The following DOCK9 variants were observed in gnomAD, a reference collection of about 807,000 sequenced individuals.
DOCK9 encodes dedicator of cytokinesis protein 9.
Under a neutral mutation model 263.3 loss-of-function variants are expected in DOCK9, and 89 were observed. The ratio of observed to expected loss-of-function variants is 0.34; its 90% CI spans 0.28 to 0.40. The LOEUF is 0.40. Ranked by LOEUF, DOCK9 falls within the 10% of genes least tolerant of loss-of-function variation. The pLI, the probability that DOCK9 is intolerant of heterozygous loss-of-function variation, is 1.00. For missense variants in DOCK9, 2,140 were observed against 2,603.4 expected (o/e 0.82, Z 3.87); for synonymous variants, 976 against 973.1 (o/e 1.00, Z -0.06).
Position 98,797,423 on chromosome 13 carries a change from C to T in DOCK9, c.5983G>A (p.Asp1995Asn). Residue 1995 changes from aspartate (D) to asparagine (N), a missense_variant, in exon 51 of 53, where the codon GAC becomes AAC. Asp to Asn is a conservative substitution (Grantham distance 23, BLOSUM62 1). Around this residue, in one of 2 missense-constraint regions of DOCK9, gnomAD observed 619 missense variants for 861.8 expected, o/e 0.72. Coordinates refer to ENST00000682017, the MANE Select transcript of DOCK9 (RefSeq NM_001366683.2). ...TCCTTAAGCAGCTTCACTTTATTGT[C>T]AGGATATCGCTTTGTGTTTGTATCA... The part of the protein sequence containing the change: ...LDDTNTKRYP[D>N]NKVKLLKEVF... 6.2e-7 allele frequency: 1 copy of T among 1,613,624 alleles called. No homozygotes were observed. The highest frequency in any genetic ancestry group is 8.5e-7 in the Non-Finnish European group (1 of 1,179,750).
intron 18 of DOCK9, 115 bp downstream of exon 18, chr13:98,888,043 A>C (rs2046059292): frequency 1.5e-6 from 1 of 677,036 alleles, no homozygotes; most frequent in African/African-American, 1.8e-5. Context: ...TATATTTTTG[A>C]TTTGTGTCAA....
At chr13:98,978,087 C>A, upstream of DOCK9, 1 of 1,420,516 alleles carries the variant, frequency 7.0e-7, no homozygotes, top group South Asian at 1.6e-5. Flanking sequence ...GGCATGACAG[C>A]AAAGGCCAGC....
intron 3 of DOCK9, among the ~76,000 whole-genome samples, chr13:98,929,780 AAATG>A (rs1255821851): frequency 6.1e-4 from 93 of 152,228 alleles, no homozygotes; most frequent in African/African-American, 2.2e-3. Flanking sequence ...TAAATGAAAT[AAATG>A]ATACATAAAT....
rs150481935 is a variant in DOCK9, at chr13:98,881,829, A to C, written c.2675+63T>G. ...GCACACAGTAGCATCCCAGCTATGC[A>C]TGACTATGCTCCAGATGTGGACAGA... On this transcript the variant is annotated intron_variant, in intron 24 of 52. Coordinates refer to ENST00000682017, the MANE Select transcript of DOCK9 (RefSeq NM_001366683.2). The C allele has an allele frequency of 1.5e-4, 212 of 1,409,458 alleles. 1 individual carries two copies. In the African/African-American group the frequency reaches 2.3e-3, roughly 16 times the overall value. The allele number at this position is 1,409,458 out of a possible 1,614,324, so 87.3% of individuals were successfully genotyped here.
intron 1 of DOCK9, among the ~76,000 whole-genome samples, chr13:99,013,194 C>T (rs1237518001): frequency 2.0e-5 from 3 of 152,138 alleles, no homozygotes; most frequent in Non-Finnish European, 4.4e-5. Flanking sequence ...AACTTGAACT[C>T]CTAGGCTCAA....
chr13:99,008,514 G>A (rs1410404238), intron 1 of DOCK9, among the ~76,000 whole-genome samples: 1 of 152,096 alleles, frequency 6.6e-6, no homozygotes. Flanking sequence ...GATTACAGGC[G>A]TGAGCCACCG....
At chr13:99,085,069 G>C (rs1479005219) in intron 1 of DOCK9, among the ~76,000 whole-genome samples, 1 of 152,222 alleles carries the variant, frequency 6.6e-6, no homozygotes, top group Non-Finnish European at 1.5e-5. Context: ...GAGCAAACTG[G>C]ATATAGAAAT....
chr13:99,056,393 T>A (rs2040925166), intron 1 of DOCK9, among the ~76,000 whole-genome samples: 2 of 152,156 alleles, frequency 1.3e-5, no homozygotes, highest in African/African-American at 2.4e-5. Context: ...CAAAGTAAGG[T>A]TACATACTAA....
intron 1 of DOCK9, among the ~76,000 whole-genome samples, chr13:99,064,522 C>T (rs1469438202): frequency 6.6e-6 from 1 of 152,244 alleles, no homozygotes; most frequent in Admixed American, 6.5e-5. Flanking sequence ...TAAAAATGAA[C>T]CGGGGCCCCC....
At position 98,944,437 on chromosome 13, in the gene DOCK9, A is replaced by T. The variant is rs547966754; in HGVS notation, c.243+10998T>A. ...TCAGCAGGCTGAGGAAAAAAAAAAT[A>T]AAGAAAATGATGAAATACTTTGTAA... On this transcript the variant is annotated intron_variant, in intron 2 of 52. Transcript: ENST00000682017. Among the ~76,000 whole-genome samples the T allele has an allele frequency of 5.3e-5, 8 of 151,838 alleles. No individual in the cohort carries two copies. The South Asian group carries it at 1.7e-3, about 32-fold the overall frequency.
rs930766676 is a variant in DOCK9, at chr13:98,835,708, G to A, written c.4314+1786C>T. The stretch of plus-strand genomic sequence containing the variant: ...CCAGATATTTAGAGATCCAGGAATA[G>A]TGACAAATACTCTTCTTTACAACTC... On this transcript the variant is annotated intron_variant, in intron 39 of 52. Transcript: ENST00000682017. Among the ~76,000 whole-genome samples the A allele has an allele frequency of 2.1e-5, 3 of 144,618 alleles. No individual in the cohort carries two copies. The South Asian group carries it at 6.8e-4, about 33-fold the overall frequency. 94.9% of individuals were successfully genotyped at this position (144,618 alleles called of 152,430 possible). A position where few individuals can be genotyped will look rare whatever the true frequency, so the allele number is the denominator to read the frequency against.
intron 3 of DOCK9, among the ~76,000 whole-genome samples, chr13:98,927,199 T>C (rs1195274450): frequency 2.0e-5 from 3 of 152,284 alleles, no homozygotes; most frequent in African/African-American, 4.8e-5. Flanking sequence ...TTTTACTCTG[T>C]AGTTAAGAAT....
chr13:98,822,920 T>A (rs1186698423), intron 45 of DOCK9, among the ~76,000 whole-genome samples: 1 of 152,126 alleles, frequency 6.6e-6, no homozygotes, highest in African/African-American at 2.4e-5. Context: ...ACAACAGTGG[T>A]TCTTAAACTT....
In DOCK9 at chr13:98,880,565, G is replaced by T. The variant is rs200405277; in HGVS notation, c.2853C>A (p.Thr951=). 1.5e-5 allele frequency: 24 copies of T among 1,613,866 alleles called. No individual in the cohort carries two copies. In the East Asian group the frequency reaches 5.3e-4, roughly 36 times the overall value. The change falls in exon 26 of 53, where the codon ACC becomes ACA. Residue 951 remains threonine (T), a synonymous_variant. Transcript: ENST00000682017. The part of the protein sequence containing the change: ...TILKPSADFL[T]SNKLLKYSWF... ...GACATACCTTCAGTAGTTTGTTGCTGGTGAGGAAATCGGCAGAAGGCTTGA... is the reference window on the plus strand; with the variant it reads ...GACATACCTTCAGTAGTTTGTTGCTTGTGAGGAAATCGGCAGAAGGCTTGA...
At chr13:99,084,091 T>A (rs2042234842) in intron 1 of DOCK9, among the ~76,000 whole-genome samples, 1 of 152,172 alleles carries the variant, frequency 6.6e-6, no homozygotes, top group South Asian at 2.1e-4. Context: ...AGGGTTACCT[T>A]ACCTCACCTC....
At chr13:98,949,265 T>A (rs7987680) in intron 2 of DOCK9, among the ~76,000 whole-genome samples, 7 of 151,884 alleles carry the variant, frequency 4.6e-5, no homozygotes, top group African/African-American at 1.5e-4. Context: ...CAGAGACAAC[T>A]GAGTATTTAT....
intron 45 of DOCK9, among the ~76,000 whole-genome samples, chr13:98,821,428 C>T (rs143486768): frequency 1.6e-3 from 248 of 152,310 alleles, no homozygotes; most frequent in Non-Finnish European, 3.0e-3. Context: ...AACCTCGGGG[C>T]ACTGCAACAT....
At chr13:99,027,416 A>G (rs924547318) in intron 1 of DOCK9, among the ~76,000 whole-genome samples, 5 of 152,130 alleles carry the variant, frequency 3.3e-5, no homozygotes, top group African/African-American at 1.2e-4. Flanking sequence ...CAAGATTTTG[A>G]CAGAAGCCCA....
intron 1 of DOCK9, among the ~76,000 whole-genome samples, chr13:99,065,909 T>G (rs974635520): frequency 4.4e-4 from 67 of 152,230 alleles, no homozygotes; most frequent in African/African-American, 1.6e-3. Context: ...ATGTGTTCAC[T>G]TAATTGATGC....
Sources: allele counts gnomAD v4.1 joint callset (sites outside exome capture counted in the v4.1 genomes callset), GRCh38; gene constraint gnomAD v4.1.1; regional missense constraint gnomAD v4.1.1; transcripts MANE v1.5; gene names NCBI Gene and HGNC (gene_info 2026-07-23, HGNC 2026-07-21).